RXFP1: variants seen among roughly 807,000 people sequenced by gnomAD.
RXFP1 encodes the protein relaxin family peptide receptor 1.
A neutral mutation model predicts 89.8 loss-of-function variants in RXFP1; 73 were observed. That is an observed-to-expected ratio of 0.81 (90% CI 0.67 to 0.99). The LOEUF (loss-of-function observed/expected upper bound fraction) is 0.99. Ranked by LOEUF, RXFP1 falls within the 50% of genes least tolerant of loss-of-function variation. The probability of loss-of-function intolerance (pLI) is 0.00; values close to 1 mark genes in which losing one functional copy is unlikely to be tolerated. For synonymous variants in RXFP1, 277 were observed against 305.5 expected (o/e 0.91, Z 0.97); for missense variants, 793 against 895.5 (o/e 0.89, Z 1.46).
chr4:158,629,144 A>G (rs1008773234), intron 11 of RXFP1, among the ~76,000 whole-genome samples: 3 of 151,754 alleles, frequency 2.0e-5, no homozygotes, highest in African/African-American at 7.3e-5. Flanking sequence ...TCCGCCTCCC[A>G]GGTTCAAGCA....
chr4:158,601,516 C>G (rs1050301532), intron 4 of RXFP1, among the ~76,000 whole-genome samples: 2 of 152,138 alleles, frequency 1.3e-5, no homozygotes, highest in African/African-American at 4.8e-5. Flanking sequence ...ATAGCATTAT[C>G]TTGTGCTTTA....
At position 158,644,952 on chromosome 4, in the gene RXFP1, C is replaced by A. The variant is rs746147460; in HGVS notation, c.1159C>A (p.Arg387Ser). The stretch of plus-strand genomic sequence containing the variant: ...GTACTGTGGGTATGCACCACATGTT[C>A]GCAGCTGTAAACCAAACACTGATGG... ...FQYCGYAPHV[R>S]SCKPNTDGIS... The change falls in exon 15 of 18, where the codon CGC (arginine) becomes AGC (serine). Residue 387 changes from arginine to serine, a missense_variant. Physicochemically the swap from Arg to Ser is moderately radical, Grantham distance 110. Coordinates refer to ENST00000307765, the MANE Select transcript of RXFP1 (RefSeq NM_021634.4). The A allele has an allele frequency of 6.2e-6, 10 of 1,614,012 alleles. No individual in the cohort carries two copies. The highest frequency in any genetic ancestry group is 8.5e-6 in the Non-Finnish European group (10 of 1,179,924).
Position 158,646,966 on chromosome 4 carries a change from A to G in RXFP1, c.1521A>G (p.Thr507=), listed in dbSNP as rs1348674333. Residue 507 remains threonine, a synonymous_variant, in exon 16 of 18, where the codon ACA becomes ACG. Coordinates refer to ENST00000307765, the MANE Select transcript of RXFP1 (RefSeq NM_021634.4). ...EVSVLLLTFL[T]LEKYICIVYP... Reference sequence around the variant, plus strand: ...CAGTTTTACTGTTAACATTTCTGACATTGGAAAAATACATCTGCATTGTCT... The same window carrying G: ...CAGTTTTACTGTTAACATTTCTGACGTTGGAAAAATACATCTGCATTGTCT... 1 of 1,614,200 alleles carries G rather than the reference A, an allele frequency of 6.2e-7. No homozygotes were observed. The highest frequency in any genetic ancestry group is 1.1e-5 in the South Asian group (1 of 91,088).
At chr4:158,624,512 G>A (rs980885617) in intron 9 of RXFP1, among the ~76,000 whole-genome samples, 3 of 152,014 alleles carry the variant, frequency 2.0e-5, no homozygotes, top group Non-Finnish European at 4.4e-5. Context: ...AGGTATAAAG[G>A]GAAAAATAAA....
At chr4:158,537,304 T>C (rs28498383) in intron 1 of RXFP1, among the ~76,000 whole-genome samples, 7,514 of 152,236 alleles carry the variant, frequency 0.049, 630 homozygotes, top group African/African-American at 0.17. Context: ...TATCTCTTCC[T>C]TTCATCCTTT....
intron 5 of RXFP1, among the ~76,000 whole-genome samples, chr4:158,606,195 T>C (rs1415109687): frequency 6.6e-6 from 1 of 152,252 alleles, no homozygotes; most frequent in Non-Finnish European, 1.5e-5. Context: ...AGAATTTTTC[T>C]GTAGCATCAC....
intron 17 of RXFP1, among the ~76,000 whole-genome samples, chr4:158,651,209 T>A (rs1772658915): frequency 1.3e-5 from 2 of 152,306 alleles, no homozygotes; most frequent in Middle Eastern, 3.4e-3. Context: ...TCTATATATA[T>A]TAGAGTGATT....
intron 1 of RXFP1, among the ~76,000 whole-genome samples, chr4:158,527,233 G>A (rs1311775786): frequency 6.6e-6 from 1 of 152,044 alleles, no homozygotes; most frequent in Non-Finnish European, 1.5e-5. Context: ...AATTATATGA[G>A]TTATTCCATT....
chr4:158,576,620 T>C (rs1316402848), intron 2 of RXFP1, among the ~76,000 whole-genome samples: 1 of 152,052 alleles, frequency 6.6e-6, no homozygotes, highest in Non-Finnish European at 1.5e-5. Flanking sequence ...ACAGCAGAGA[T>C]ACATTAGAAT....
rs1480593487 is a variant in RXFP1 at position 158,651,885 on chromosome 4, A to C, written c.2104A>C (p.Arg702=). The change falls in exon 18 of 18, where the codon AGA becomes CGA. Residue 702 remains arginine, a synonymous_variant. Transcript: ENST00000307765. ...TCGGTTTTGGTATAACTACAGACAA[A>C]GAAAATCTATGGACAGCAAAGGTCA... is the stretch of plus-strand genomic sequence containing the variant. ...IHRFWYNYRQ[R]KSMDSKGQKT... 7 of 1,614,088 alleles carry C rather than the reference A, an allele frequency of 4.3e-6. No homozygotes were observed. The highest frequency in any genetic ancestry group is 5.9e-6 in the Non-Finnish European group (7 of 1,180,046).
At chr4:158,616,988 CA>C (rs11321888) in intron 8 of RXFP1, 142 bp from the exon 9 acceptor site, 124,915 of 433,024 alleles carry the variant, frequency 0.29, 2,942 homozygotes, top group African/African-American at 0.34. Context: ...GCCTCCATCT[CA>C]AAAAAAAAAA....
At chr4:158,558,857 A>G (rs1229964541) in intron 1 of RXFP1, among the ~76,000 whole-genome samples, 2 of 152,232 alleles carry the variant, frequency 1.3e-5, no homozygotes, top group East Asian at 1.9e-4. Context: ...TACTCAGTAC[A>G]TTCAAATAAT....
intron 2 of RXFP1, among the ~76,000 whole-genome samples, chr4:158,580,138 T>C (rs1411716369): frequency 6.6e-6 from 1 of 152,240 alleles, no homozygotes. Context: ...GCTTAAGATG[T>C]GCTGGTTTGA....
At chr4:158,612,612 CTT>C (rs1158067958) in intron 8 of RXFP1, among the ~76,000 whole-genome samples, 41 of 140,206 alleles carry the variant, frequency 2.9e-4, no homozygotes, top group Non-Finnish European at 2.8e-4. Flanking sequence ...TCACAATATT[CTT>C]TTTTTTTTTT....
chr4:158,555,897 ACCCCT>A (rs1328305452), intron 1 of RXFP1, among the ~76,000 whole-genome samples: 2 of 152,156 alleles, frequency 1.3e-5, no homozygotes, highest in African/African-American at 4.8e-5. Context: ...ATGAGATTAC[ACCCCT>A]CCCTCTTGCA....
intron 8 of RXFP1, among the ~76,000 whole-genome samples, chr4:158,615,349 C>A (rs1373536423): frequency 6.6e-6 from 1 of 151,948 alleles, no homozygotes; most frequent in Non-Finnish European, 1.5e-5. Flanking sequence ...CCAGCCTGAC[C>A]AACATGCTGA....
intron 1 of RXFP1, among the ~76,000 whole-genome samples, chr4:158,527,562 A>ATATATATATATAT (rs1553989390): frequency 4.4e-4 from 3 of 6,896 alleles, no homozygotes; most frequent in African/African-American, 4.7e-4. Flanking sequence ...CAAAAAAAAA[A>ATATATATATATAT]AAATATATAT....
chr4:158,607,092 C>A, intron 5 of RXFP1: 1 of 1,536,020 alleles, frequency 6.5e-7, no homozygotes, highest in Non-Finnish European at 8.7e-7. Flanking sequence ...AACATGAAGG[C>A]AGCCTTGAAA....
chr4:158,607,324 T>A (rs574351497), intron 5 of RXFP1, among the ~76,000 whole-genome samples: 51 of 126,338 alleles, frequency 4.0e-4, no homozygotes, highest in Admixed American at 2.2e-3. Flanking sequence ...TGATTATTTT[T>A]ATGTTTTTTT....
Sources: allele counts gnomAD v4.1 joint callset (sites outside exome capture counted in the v4.1 genomes callset), GRCh38; gene constraint gnomAD v4.1.1; transcripts MANE v1.5; gene names NCBI Gene and HGNC (gene_info 2026-07-23, HGNC 2026-07-21).